SGCD: variants seen among roughly 807,000 people sequenced by gnomAD.
SGCD encodes the protein delta-sarcoglycan.
A neutral mutation model predicts 36.6 loss-of-function variants in SGCD; 18 were observed. The observed-to-expected ratio is 0.49, with a 90% CI of 0.34 to 0.73. SGCD has a LOEUF of 0.73. SGCD is among the 30% of genes least tolerant of loss of function. The pLI, the probability that SGCD is intolerant of heterozygous loss-of-function variation, is 0.01. For missense variants in SGCD, 387 were observed against 346.7 expected (o/e 1.12, Z -0.92); for synonymous variants, 133 against 130.6 (o/e 1.02, Z -0.12).
intron 3 of SGCD, among the ~76,000 whole-genome samples, chr5:156,460,110 A>G (rs192523510): frequency 2.7e-4 from 41 of 152,282 alleles, no homozygotes; most frequent in South Asian, 1.2e-3. Context: ...AAGGCAGTTA[A>G]TTTCCTGTTT....
intron 7 of SGCD, among the ~76,000 whole-genome samples, chr5:156,652,340 G>A (rs1010853653): frequency 4.6e-5 from 7 of 151,864 alleles, no homozygotes; most frequent in Middle Eastern, 3.2e-3. Flanking sequence ...AAAGTTAATA[G>A]CCAGATGTGG....
At chr5:156,079,119 G>A (rs573610084) in intron 1 of SGCD, among the ~76,000 whole-genome samples, 4 of 152,138 alleles carry the variant, frequency 2.6e-5, no homozygotes, top group East Asian at 3.9e-4. Context: ...GGGGGAGGAG[G>A]CACATCACAT....
At chr5:156,546,029 C>T (rs746676150) in intron 4 of SGCD, among the ~76,000 whole-genome samples, 3 of 152,090 alleles carry the variant, frequency 2.0e-5, no homozygotes, top group Non-Finnish European at 2.9e-5. Context: ...ATAAATGTCC[C>T]TCAAAAATGT....
intron 1 of SGCD, among the ~76,000 whole-genome samples, chr5:155,961,146 T>C (rs1411719430): frequency 6.6e-6 from 1 of 152,092 alleles, no homozygotes; most frequent in Non-Finnish European, 1.5e-5. Context: ...ACCTTTTACT[T>C]GGTTTAGACT....
intron 1 of SGCD, among the ~76,000 whole-genome samples, chr5:156,328,852 T>C (rs898101168): frequency 1.3e-5 from 2 of 152,064 alleles, no homozygotes; most frequent in African/African-American, 4.8e-5. Flanking sequence ...TATTTTTTTC[T>C]CTAAAGTGCC....
chr5:156,655,488 T>C (rs375738567), intron 7 of SGCD, among the ~76,000 whole-genome samples: 54 of 152,174 alleles, frequency 3.5e-4, no homozygotes, highest in African/African-American at 1.1e-3. Flanking sequence ...TTACTGTATT[T>C]GCAGTCTTTG....
the SGCD span, among the ~76,000 whole-genome samples, chr5:155,809,426 T>G: frequency 6.6e-6 from 1 of 152,202 alleles, no homozygotes; most frequent in Non-Finnish European, 1.5e-5. Context: ...AGTCTGGAGG[T>G]ATGTCTCGCT....
chr5:156,103,507 A>T lies in SGCD; in HGVS notation c.-281-14371A>T, dbSNP rs1386475098. Among the ~76,000 whole-genome samples the T allele has an allele frequency of 4.6e-5, 7 of 152,238 alleles. No individual in the cohort carries two copies. In the South Asian group the frequency reaches 1.5e-3, roughly 32 times the overall value. On this transcript the variant is annotated intron_variant, in intron 1 of 9. Coordinates refer to the SGCD transcript ENST00000517913. ...TGTTTCCATTTTAATGGTATAAGGGATATAAAAATGTACATGATCTTTTTT... is the reference window on the plus strand; with the variant it reads ...TGTTTCCATTTTAATGGTATAAGGGTTATAAAAATGTACATGATCTTTTTT...
chr5:155,885,696 A>G (rs80142765), intron 1 of SGCD, among the ~76,000 whole-genome samples: 1 of 152,242 alleles, frequency 6.6e-6, no homozygotes, highest in South Asian at 2.1e-4. Flanking sequence ...GTTACTTTCA[A>G]AAAAGAAAAC....
intron 1 of SGCD, among the ~76,000 whole-genome samples, chr5:156,012,851 A>G (rs1758888721): frequency 6.6e-6 from 1 of 151,452 alleles, no homozygotes; most frequent in African/African-American, 2.4e-5. Flanking sequence ...TGACCTCGTG[A>G]TCTGCCTGCC....
At chr5:156,435,282 A>G (rs1196092779) in intron 3 of SGCD, among the ~76,000 whole-genome samples, 1 of 152,200 alleles carries the variant, frequency 6.6e-6, no homozygotes, top group Non-Finnish European at 1.5e-5. Context: ...TGCCCTAGAC[A>G]CAAAGATTCC....
chr5:156,583,161 A>G (rs1259144001), intron 4 of SGCD, among the ~76,000 whole-genome samples: 1 of 152,234 alleles, frequency 6.6e-6, no homozygotes, highest in Non-Finnish European at 1.5e-5. Context: ...CTTAAAAGAC[A>G]TGATGTAGGA....
chr5:156,447,249 C>T (rs2127801897), intron 3 of SGCD, among the ~76,000 whole-genome samples: 1 of 152,314 alleles, frequency 6.6e-6, no homozygotes, highest in African/African-American at 2.4e-5. Flanking sequence ...CACACCGTTT[C>T]TGTACAGATA....
chr5:155,913,227 C>A (rs1223370825), intron 1 of SGCD, among the ~76,000 whole-genome samples: 1 of 152,060 alleles, frequency 6.6e-6, no homozygotes, highest in African/African-American at 2.4e-5. Context: ...TAGACAAATT[C>A]TTTTGCAAAA....
intron 3 of SGCD, among the ~76,000 whole-genome samples, chr5:156,188,707 G>A (rs1281765923): frequency 7.2e-6 from 1 of 139,672 alleles, no homozygotes; most frequent in African/African-American, 2.8e-5. Context: ...CTCTCTACAT[G>A]CACAAGATGA....
chr5:156,001,255 G>A (rs1040263126), intron 1 of SGCD, among the ~76,000 whole-genome samples: 1 of 152,168 alleles, frequency 6.6e-6, no homozygotes, highest in Non-Finnish European at 1.5e-5. Context: ...TTAACGAAAT[G>A]AAGATTTTTG....
At chr5:155,808,039 C>A in the SGCD span, among the ~76,000 whole-genome samples, 1 of 152,124 alleles carries the variant, frequency 6.6e-6, no homozygotes, top group Non-Finnish European at 1.5e-5. Flanking sequence ...AAAAATAAGC[C>A]TTGGATGAAA....
At chr5:156,139,173 T>C (rs1383717944) in intron 3 of SGCD, among the ~76,000 whole-genome samples, 3 of 152,258 alleles carry the variant, frequency 2.0e-5, no homozygotes, top group African/African-American at 7.2e-5. Flanking sequence ...CAGGAGTTAT[T>C]AATTTTGATG....
intron 6 of SGCD, among the ~76,000 whole-genome samples, chr5:156,608,936 GTC>G (rs1423718114): frequency 7.2e-5 from 11 of 151,982 alleles, no homozygotes; most frequent in African/African-American, 2.7e-4. Context: ...GCCTATGTGT[GTC>G]TCTGCACATG....
Sources: gnomAD v4.1 joint callset for allele counts (sites outside exome capture counted in the v4.1 genomes callset) on GRCh38, gnomAD v4.1.1 for gene constraint, MANE v1.5 for transcripts, NCBI Gene and HGNC (gene_info 2026-07-23, HGNC 2026-07-21) for gene names.